Variants in RIMKLB observed in about 807,000 individuals in gnomAD.
The protein encoded by RIMKLB is beta-citrylglutamate synthase B.
A neutral mutation model predicts 32.0 loss-of-function variants in RIMKLB; 7 were observed. The observed-to-expected ratio is 0.22, with a 90% confidence interval of 0.12 to 0.41. The LOEUF is 0.41. Ranked by LOEUF, RIMKLB falls within the 10% of genes least tolerant of loss-of-function variation. The pLI, the probability that RIMKLB is intolerant of heterozygous loss-of-function variation, is 1.00. For missense variants in RIMKLB, 289 were observed against 498.7 expected, an observed-to-expected ratio of 0.58 and a Z score of 4.00; for synonymous variants, 172 against 185.1, an observed-to-expected ratio of 0.93 and a Z score of 0.57.
intron 5 of RIMKLB, among the ~76,000 whole-genome samples, chr12:8,755,913 G>A (rs761176148): frequency 4.6e-5 from 7 of 152,188 alleles, no homozygotes; most frequent in East Asian, 1.9e-4. Flanking sequence ...CAGCACTTTC[G>A]TAGGCCAAGG....
At chr12:8,738,737 C>T (rs74059993) in intron 2 of RIMKLB, among the ~76,000 whole-genome samples, 3,192 of 152,200 alleles carry the variant, frequency 0.021, 108 homozygotes, top group African/African-American at 0.072. Flanking sequence ...AGGAGTGATA[C>T]CCCCCGTCCC....
intron 1 of RIMKLB, among the ~76,000 whole-genome samples, chr12:8,709,815 A>G (rs1489871086): frequency 6.6e-6 from 1 of 152,226 alleles, no homozygotes; most frequent in Non-Finnish European, 1.5e-5. Context: ...TATTGCTAAC[A>G]TCTTACTGTG....
chr12:8,695,834 C>T (rs1942872556), upstream of RIMKLB, among the ~76,000 whole-genome samples: 1 of 152,020 alleles, frequency 6.6e-6, no homozygotes, highest in Non-Finnish European at 1.5e-5. Flanking sequence ...GCTGGGATTA[C>T]AGGCGTGCGC....
intron 3 of RIMKLB, among the ~76,000 whole-genome samples, chr12:8,750,599 A>G (rs1334588240): frequency 6.6e-6 from 1 of 152,098 alleles, no homozygotes; most frequent in African/African-American, 2.4e-5. Context: ...TAGGTGTAGC[A>G]ATGCTTTCGA....
At chr12:8,673,269 G>A in the RIMKLB span, among the ~76,000 whole-genome samples, 3 of 152,076 alleles carry the variant, frequency 2.0e-5, no homozygotes, top group Non-Finnish European at 4.4e-5. Flanking sequence ...TAGAGGTACA[G>A]TGCTGGTCTT....
At chr12:8,709,035 A>T in intron 1 of RIMKLB, among the ~76,000 whole-genome samples, 1 of 152,240 alleles carries the variant, frequency 6.6e-6, no homozygotes, top group East Asian at 1.9e-4. Flanking sequence ...AAGAGAGGAA[A>T]TACTATACGG....
intron 5 of RIMKLB, among the ~76,000 whole-genome samples, chr12:8,756,170 A>C (rs938464550): frequency 1.3e-5 from 2 of 150,634 alleles, no homozygotes; most frequent in Middle Eastern, 3.4e-3. Context: ...AAAAAAAAAA[A>C]ATTAGCTGGG....
chr12:8,739,647 A>T (rs978678183), intron 2 of RIMKLB, among the ~76,000 whole-genome samples: 3 of 152,058 alleles, frequency 2.0e-5, no homozygotes, highest in East Asian at 1.9e-4. Context: ...ATTTTTAAAA[A>T]TTTTTTTGTA....
At chr12:8,748,557 T>TGTG (rs1491190533) in intron 2 of RIMKLB, among the ~76,000 whole-genome samples, 1 of 102,058 alleles carries the variant, frequency 9.8e-6, no homozygotes, top group Non-Finnish European at 2.3e-5. Context: ...TGTGTGTGTG[T>TGTG]GCATATATAT....
intron 2 of RIMKLB, among the ~76,000 whole-genome samples, chr12:8,739,231 T>C (rs1435666351): frequency 6.6e-6 from 1 of 152,178 alleles, no homozygotes; most frequent in Non-Finnish European, 1.5e-5. Context: ...TTGTTTCTGA[T>C]GAGGGCCCAC....
At chr12:8,756,254 G>A (rs866127160) in intron 5 of RIMKLB, among the ~76,000 whole-genome samples, 3 of 151,884 alleles carry the variant, frequency 2.0e-5, no homozygotes, top group African/African-American at 4.8e-5. Flanking sequence ...CTGGGCGGTC[G>A]AGGCTGCAGT....
chr12:8,708,782 C>A (rs1476798919), intron 1 of RIMKLB, among the ~76,000 whole-genome samples: 2 of 152,168 alleles, frequency 1.3e-5, no homozygotes, highest in Non-Finnish European at 2.9e-5. Flanking sequence ...TTAAGATTCC[C>A]ATATACTCAG....
Position 8,773,532 on chromosome 12 carries a change from C to T in RIMKLB, c.909C>T (p.Ala303=), listed in dbSNP as rs757549376. The T allele has an allele frequency of 7.1e-5, 115 of 1,614,208 alleles. 1 individual carries two copies. In the Admixed American group the frequency reaches 9.7e-4, roughly 14 times the overall value. ...TAGCTGGTATCATAGCAGACTATGC[C>T]GCCTCCCTTCTACCCTCTGGCCGGC... The part of the protein sequence containing the change: ...LDVAGIIADY[A]ASLLPSGRLT... Residue 303 remains alanine, a synonymous_variant, in exon 6 of 6, where the codon GCC becomes GCT. Coordinates refer to ENST00000535829, the MANE Select transcript of RIMKLB (RefSeq NM_001297776.2).
intron 4 of RIMKLB, among the ~76,000 whole-genome samples, chr12:8,752,966 G>A (rs913700290): frequency 6.6e-6 from 1 of 151,998 alleles, no homozygotes; most frequent in African/African-American, 2.4e-5. Flanking sequence ...GGCTGGTCTC[G>A]AACTCCTGAC....
intron 1 of RIMKLB, among the ~76,000 whole-genome samples, chr12:8,712,113 C>T (rs1291429646): frequency 6.6e-6 from 1 of 152,186 alleles, no homozygotes; most frequent in East Asian, 1.9e-4. Context: ...ATGGAATATC[C>T]TGCTGTAGGG....
At chr12:8,762,807 G>A (rs146435845) in intron 5 of RIMKLB, among the ~76,000 whole-genome samples, 116 of 152,280 alleles carry the variant, frequency 7.6e-4, no homozygotes, top group African/African-American at 2.6e-3. Context: ...CCTGCTTTTC[G>A]AAGTCCTTTT....
At chr12:8,761,399 G>C (rs1017668522) in intron 5 of RIMKLB, among the ~76,000 whole-genome samples, 8 of 150,586 alleles carry the variant, frequency 5.3e-5, no homozygotes, top group Admixed American at 5.3e-4. Context: ...ATTTTATTTA[G>C]ATCTTTTTTT....
At chr12:8,730,341 G>C (rs1225920108) in intron 2 of RIMKLB, among the ~76,000 whole-genome samples, 1 of 152,208 alleles carries the variant, frequency 6.6e-6, no homozygotes, top group Non-Finnish European at 1.5e-5. Flanking sequence ...TCCTGCCTCA[G>C]CCTCCCAAAG....
At chr12:8,690,742 G>T (rs749621160) in intron 1 of RIMKLB, among the ~76,000 whole-genome samples, 1 of 152,134 alleles carries the variant, frequency 6.6e-6, no homozygotes, top group Non-Finnish European at 1.5e-5. Context: ...AGCCAACATG[G>T]TGAAACCCCC....
Sources: allele counts gnomAD v4.1 joint callset (sites outside exome capture counted in the v4.1 genomes callset), GRCh38; gene constraint gnomAD v4.1.1; transcripts MANE v1.5; gene names NCBI Gene and HGNC (gene_info 2026-07-23, HGNC 2026-07-21).